NKAIN2: variants seen among roughly 807,000 people sequenced by gnomAD.
NKAIN2 encodes sodium/potassium-transporting ATPase subunit beta-1-interacting protein 2.
In NKAIN2, 14 loss-of-function variants were observed where a neutral mutation model predicts 32.6. That is an observed-to-expected ratio of 0.43 (90% confidence interval 0.28 to 0.67). The LOEUF (loss-of-function observed/expected upper bound fraction) is 0.67. NKAIN2 is among the 30% of genes least tolerant of loss of function. NKAIN2 has a pLI of 0.17. For missense variants in NKAIN2, 198 were observed against 258.3 expected, an observed-to-expected ratio of 0.77 and a Z score of 1.60; for synonymous variants, 80 against 87.2, an observed-to-expected ratio of 0.92 and a Z score of 0.46.
At chr6:124,578,664 A>T (rs1460463517) in intron 3 of NKAIN2, among the ~76,000 whole-genome samples, 2 of 151,984 alleles carry the variant, frequency 1.3e-5, no homozygotes, top group Non-Finnish European at 2.9e-5. Flanking sequence ...TGAAGGGAAG[A>T]AAACGGCATG....
intron 1 of NKAIN2, among the ~76,000 whole-genome samples, chr6:124,074,407 C>T (rs77788379): frequency 0.083 from 12,693 of 152,220 alleles, 546 homozygotes; most frequent in Middle Eastern, 0.16. Context: ...CCAAAATCCA[C>T]GTTCTCAGAT....
chr6:123,992,448 C>T (rs368100380), intron 1 of NKAIN2, among the ~76,000 whole-genome samples: 6 of 151,936 alleles, frequency 3.9e-5, no homozygotes, highest in East Asian at 3.9e-4. Flanking sequence ...ACAAACGAAA[C>T]GGAATATTTC....
intron 2 of NKAIN2, among the ~76,000 whole-genome samples, chr6:124,303,124 T>C (rs1032173496): frequency 1.3e-5 from 2 of 152,182 alleles, no homozygotes; most frequent in Admixed American, 1.3e-4. Context: ...TAGAGAACTT[T>C]AAGATGCACA....
Position 124,197,776 on chromosome 6 carries a change from T to C in NKAIN2, c.55-85229T>C, listed in dbSNP as rs541034933. On this transcript the variant is annotated intron_variant, in intron 1 of 6. Coordinates refer to ENST00000368417, the MANE Select transcript of NKAIN2 (RefSeq NM_001040214.3). Reference sequence around the variant, plus strand: ...AATCTCCTCTCTTACTACCCTTTAATACCACTGATCAGTTTTCTGCCTCTG... The same window carrying C: ...AATCTCCTCTCTTACTACCCTTTAACACCACTGATCAGTTTTCTGCCTCTG... Among the ~76,000 whole-genome samples, 6 of 151,618 alleles carry C rather than the reference T, an allele frequency of 4.0e-5. No homozygotes were observed. In the East Asian group the frequency reaches 9.7e-4, roughly 25 times the overall value.
At chr6:124,501,013 A>G (rs1332713523) in intron 3 of NKAIN2, among the ~76,000 whole-genome samples, 2 of 152,210 alleles carry the variant, frequency 1.3e-5, no homozygotes, top group Non-Finnish European at 2.9e-5. Flanking sequence ...AAACTTCTTT[A>G]ACAAGCAGTG....
chr6:124,343,271 A>G (rs1238421854), intron 2 of NKAIN2, among the ~76,000 whole-genome samples: 3 of 152,036 alleles, frequency 2.0e-5, no homozygotes, highest in African/African-American at 7.2e-5. Context: ...TGCTATTGTG[A>G]ATAGTGCCGA....
At chr6:124,797,082 C>T (rs2786913) in intron 5 of NKAIN2, among the ~76,000 whole-genome samples, 138,583 of 151,364 alleles carry the variant, frequency 0.92, 63,925 homozygotes, top group East Asian at 1. Context: ...GAATCAGGAA[C>T]TGTCCTCAGT....
intron 1 of NKAIN2, among the ~76,000 whole-genome samples, chr6:124,179,319 C>T (rs1392422709): frequency 6.6e-6 from 1 of 152,152 alleles, no homozygotes; most frequent in Non-Finnish European, 1.5e-5. Context: ...TAACACTAGA[C>T]ATGTTCTTCA....
At chr6:124,215,784 T>G (rs1037350966) in intron 1 of NKAIN2, among the ~76,000 whole-genome samples, 32 of 152,186 alleles carry the variant, frequency 2.1e-4, no homozygotes, top group African/African-American at 7.5e-4. Flanking sequence ...TAAGAATACA[T>G]GAGATCCAGA....
intron 5 of NKAIN2, among the ~76,000 whole-genome samples, chr6:124,803,747 A>G (rs1780377943): frequency 6.6e-6 from 1 of 152,156 alleles, no homozygotes; most frequent in African/African-American, 2.4e-5. Context: ...ATTCTAATAC[A>G]AAGTTCTCTC....
At chr6:124,558,107 C>G (rs1780543815) in intron 3 of NKAIN2, among the ~76,000 whole-genome samples, 1 of 152,204 alleles carries the variant, frequency 6.6e-6, no homozygotes, top group Non-Finnish European at 1.5e-5. Context: ...CTCAACCTTT[C>G]TCTCTGCAGT....
At chr6:124,064,689 G>A (rs1783079533) in intron 1 of NKAIN2, among the ~76,000 whole-genome samples, 1 of 152,130 alleles carries the variant, frequency 6.6e-6, no homozygotes, top group Non-Finnish European at 1.5e-5. Flanking sequence ...TGCCAATTTA[G>A]ATATGAATAA....
intron 1 of NKAIN2, among the ~76,000 whole-genome samples, chr6:124,185,245 A>T (rs1789658776): frequency 6.6e-6 from 1 of 152,130 alleles, no homozygotes; most frequent in South Asian, 2.1e-4. Flanking sequence ...TGTGCAAGTA[A>T]CTTATTCATT....
At chr6:124,536,413 G>C (rs894868785) in intron 3 of NKAIN2, among the ~76,000 whole-genome samples, 1 of 151,940 alleles carries the variant, frequency 6.6e-6, no homozygotes, top group African/African-American at 2.4e-5. Flanking sequence ...ACCTCTTGTT[G>C]TCCACTGGAT....
chr6:124,580,694 T>G (rs910524259), intron 3 of NKAIN2, among the ~76,000 whole-genome samples: 1 of 152,120 alleles, frequency 6.6e-6, no homozygotes, highest in African/African-American at 2.4e-5. Context: ...ACTAAACTCT[T>G]CAATCAAAAG....
At chr6:124,068,504 A>C (rs1460519370) in intron 1 of NKAIN2, among the ~76,000 whole-genome samples, 1 of 151,754 alleles carries the variant, frequency 6.6e-6, no homozygotes, top group East Asian at 1.9e-4. Context: ...GAGCCTTCCA[A>C]CTCAGCCTCT....
intron 4 of NKAIN2, among the ~76,000 whole-genome samples, chr6:124,724,796 C>T (rs1193174049): frequency 6.6e-6 from 1 of 152,124 alleles, no homozygotes; most frequent in Middle Eastern, 3.2e-3. Flanking sequence ...GAATTAAGCC[C>T]AGTTTTTTGG....
chr6:123,897,367 A>G (rs1223418675), intron 1 of NKAIN2, among the ~76,000 whole-genome samples: 3 of 152,128 alleles, frequency 2.0e-5, no homozygotes, highest in Non-Finnish European at 4.4e-5. Flanking sequence ...AAAGTTTTCT[A>G]ACTTTGCCTG....
intron 4 of NKAIN2, among the ~76,000 whole-genome samples, chr6:124,727,661 A>C (rs1219086004): frequency 1.4e-4 from 21 of 150,942 alleles, no homozygotes. Flanking sequence ...AACGAGCAAA[A>C]TAAGCAACTA....
Sources: gnomAD v4.1 joint callset for allele counts (sites outside exome capture counted in the v4.1 genomes callset) on GRCh38, gnomAD v4.1.1 for gene constraint, MANE v1.5 for transcripts, NCBI Gene and HGNC (gene_info 2026-07-23, HGNC 2026-07-21) for gene names.